The following DNAH11 variants were observed in gnomAD, a reference collection of about 807,000 sequenced individuals.
The protein encoded by DNAH11 is dynein axonemal heavy chain 11.
A neutral mutation model predicts 526.0 loss-of-function variants in DNAH11; 442 were observed. That is an observed-to-expected ratio of 0.84 (90% CI 0.78 to 0.91). The LOEUF (loss-of-function observed/expected upper bound fraction) is 0.91, where lower values mean the gene tolerates loss of function less well. Ranked by LOEUF, DNAH11 falls within the 40% of genes least tolerant of loss-of-function variation. DNAH11 has a pLI of 0.00. For missense variants in DNAH11, 6,989 were observed against 5,448.7 expected, an observed-to-expected ratio of 1.28 and a Z score of -8.90; for synonymous variants, 2,461 against 1,935.9, an observed-to-expected ratio of 1.27 and a Z score of -7.12.
At chr7:21,824,286 T>A (rs1250062097) in intron 65 of DNAH11, among the ~76,000 whole-genome samples, 2 of 152,218 alleles carry the variant, frequency 1.3e-5, no homozygotes, top group Non-Finnish European at 2.9e-5. Flanking sequence ...TTATTGCCAA[T>A]ATCCTTTAAG....
intron 65 of DNAH11, among the ~76,000 whole-genome samples, chr7:21,821,876 C>A (rs181777093): frequency 1.3e-5 from 2 of 152,220 alleles, no homozygotes; most frequent in African/African-American, 4.8e-5. Flanking sequence ...GCTTCTCTTC[C>A]TGGCCTGTTG....
At chr7:21,791,197 C>T (rs10260607) in intron 61 of DNAH11, among the ~76,000 whole-genome samples, 19,423 of 152,178 alleles carry the variant, frequency 0.13, 1,795 homozygotes, top group East Asian at 0.28. Flanking sequence ...TTACAGAAAC[C>T]CCTGGAGCTT....
intron 25 of DNAH11, among the ~76,000 whole-genome samples, chr7:21,625,440 A>G (rs1423412120): frequency 2.0e-5 from 3 of 152,074 alleles, no homozygotes; most frequent in African/African-American, 7.2e-5. Flanking sequence ...TTTGTTTACT[A>G]TTCAAAAAAC....
intron 39 of DNAH11, among the ~76,000 whole-genome samples, chr7:21,706,290 G>A (rs1322000556): frequency 6.6e-6 from 1 of 151,760 alleles, no homozygotes; most frequent in African/African-American, 2.4e-5. Flanking sequence ...GTTGGCAGAC[G>A]GTATATGCAG....
intron 35 of DNAH11, among the ~76,000 whole-genome samples, chr7:21,697,195 C>T (rs1376742180): frequency 6.6e-6 from 1 of 152,050 alleles, no homozygotes; most frequent in Non-Finnish European, 1.5e-5. Context: ...TTTACTCTTC[C>T]TTCTTTGCAC....
intron 65 of DNAH11, among the ~76,000 whole-genome samples, chr7:21,826,189 T>G (rs2128005435): frequency 6.6e-6 from 1 of 152,312 alleles, no homozygotes; most frequent in East Asian, 1.9e-4. Flanking sequence ...AAAAAGCATT[T>G]TGAATAAATT....
rs533700136 is a variant in DNAH11 at position 21,768,290 on chromosome 7, G to A, written c.9102+2701G>A. On this transcript the variant is annotated intron_variant, in intron 55 of 81. Transcript: ENST00000409508. ...TGAGAAGCTCGTTGGAGAGAGAACT[G>A]TGTGAAGAGCTTAGTGATTAGTACA... Among the ~76,000 whole-genome samples, 8 of 152,336 alleles carry A rather than the reference G, an allele frequency of 5.3e-5. 1 individual carries two copies. The South Asian group carries it at 1.4e-3, about 28-fold the overall frequency.
At chr7:21,681,968 C>G (rs1463892521) in intron 31 of DNAH11, among the ~76,000 whole-genome samples, 1 of 152,204 alleles carries the variant, frequency 6.6e-6, no homozygotes, top group African/African-American at 2.4e-5. Context: ...GTGTTCATCT[C>G]TCTGTGTGTG....
chr7:21,559,902 T>G, intron 4 of DNAH11, 110 bp downstream of exon 4: 1 of 928,712 alleles, frequency 1.1e-6, no homozygotes, highest in Non-Finnish European at 1.6e-6. Flanking sequence ...TTTACTGGTC[T>G]GCCCTCTTTT....
intron 25 of DNAH11, among the ~76,000 whole-genome samples, chr7:21,624,251 T>C (rs1026170523): frequency 1.3e-5 from 2 of 152,264 alleles, no homozygotes; most frequent in South Asian, 4.1e-4. Flanking sequence ...CATCAATGTT[T>C]TGTGGTTTTT....
intron 8 of DNAH11, among the ~76,000 whole-genome samples, chr7:21,574,892 T>G (rs1345449032): frequency 7.7e-6 from 1 of 130,616 alleles, no homozygotes; most frequent in Non-Finnish European, 1.7e-5. Context: ...TTTTTTTTTT[T>G]TTGAGACAGT....
Position 21,866,453 on chromosome 7 carries a change from T to C in DNAH11, c.11497-17T>C, listed in dbSNP as rs771038816. On this transcript the variant is annotated splice_polypyrimidine_tract_variant and intron_variant, in intron 70 of 81. Coordinates refer to ENST00000409508, the MANE Select transcript of DNAH11 (RefSeq NM_001277115.2). The stretch of plus-strand genomic sequence containing the variant: ...ATCGTTCACACCATTCCTACTTGTT[T>C]CCCTATCATATTACAGGCAATTGCC... The C allele has an allele frequency of 6.3e-7, 1 of 1,598,640 alleles. No individual in the cohort carries two copies.
chr7:21,683,657 A>G lies in DNAH11; in HGVS notation c.5461-127A>G, dbSNP rs367752514. Reference sequence around the variant, plus strand: ...CATGTATATGCTATTATAATTTGCAATAGCGTGCAAGAGATTTCCTATTTA... The same window carrying G: ...CATGTATATGCTATTATAATTTGCAGTAGCGTGCAAGAGATTTCCTATTTA... On this transcript the variant is annotated intron_variant, in intron 31 of 81. Coordinates refer to ENST00000409508, the MANE Select transcript of DNAH11 (RefSeq NM_001277115.2). The G allele has an allele frequency of 1.1e-4, 114 of 1,009,546 alleles. No individual in the cohort carries two copies. The East Asian group carries it at 1.4e-3, about 12-fold the overall frequency. 62.5% of individuals were successfully genotyped at this position (1,009,546 alleles called of 1,614,324 possible).
intron 2 of DNAH11, 79 bp from the exon 3 acceptor site, chr7:21,558,723 G>A: frequency 8.8e-7 from 1 of 1,132,260 alleles, no homozygotes; most frequent in Non-Finnish European, 1.2e-6. Flanking sequence ...CAGTTTTGTT[G>A]CCAATTTTGT....
intron 66 of DNAH11, among the ~76,000 whole-genome samples, chr7:21,849,343 G>A (rs904781001): frequency 1.3e-5 from 2 of 152,098 alleles, no homozygotes; most frequent in African/African-American, 4.8e-5. Context: ...TTTTATTACT[G>A]TTTTGAACAG....
chr7:21,753,527 G>C (rs574031824), intron 54 of DNAH11, among the ~76,000 whole-genome samples: 2 of 152,286 alleles, frequency 1.3e-5, no homozygotes, highest in African/African-American at 4.8e-5. Context: ...TAAAGTGTGA[G>C]CTGAGAGGTT....
intron 68 of DNAH11, among the ~76,000 whole-genome samples, chr7:21,860,757 C>T (rs573781023): frequency 1.3e-5 from 2 of 152,232 alleles, no homozygotes; most frequent in East Asian, 1.9e-4. Context: ...TAAAGACATA[C>T]CCAAGAGACT....
At chr7:21,870,716 A>T (rs769743726) in intron 73 of DNAH11, among the ~76,000 whole-genome samples, 1 of 152,184 alleles carries the variant, frequency 6.6e-6, no homozygotes, top group Non-Finnish European at 1.5e-5. Context: ...GCAAGTTGTA[A>T]ATTTTAACAT....
In DNAH11 at chr7:21,687,230, A is replaced by C. The variant is rs1426072826; in HGVS notation, c.5753A>C (p.Asn1918Thr). 1 of 1,599,486 alleles carries C rather than the reference A, an allele frequency of 6.3e-7. No homozygotes were observed. The highest frequency in any genetic ancestry group is 8.5e-7 in the Non-Finnish European group (1 of 1,173,670). ...RALGMMVYVF[N>T]CSEQMDYKSI... ...CTTGGCATGATGGTCTATGTATTCA[A>C]CTGTTCAGAGCAAATGGACTACAAA... The change falls in exon 33 of 82, where the codon AAC (asparagine) becomes ACC (threonine). Residue 1918 changes from asparagine (N) to threonine (T), a missense_variant. By Grantham distance (65) the Asn-to-Thr change is moderately conservative. Coordinates refer to ENST00000409508, the MANE Select transcript of DNAH11 (RefSeq NM_001277115.2).
Sources: gnomAD v4.1 joint callset for allele counts (sites outside exome capture counted in the v4.1 genomes callset) on GRCh38, gnomAD v4.1.1 for gene constraint, MANE v1.5 for transcripts, NCBI Gene and HGNC (gene_info 2026-07-23, HGNC 2026-07-21) for gene names.